Variants in COL7A1 observed in about 807,000 individuals in gnomAD.
COL7A1 encodes collagen alpha-1(VII) chain.
A neutral mutation model predicts 456.2 loss-of-function variants in COL7A1; 296 were observed. The ratio of observed to expected loss-of-function variants is 0.65; its 90% confidence interval spans 0.59 to 0.71. COL7A1 has a LOEUF of 0.71. Among genes scored for constraint, COL7A1 ranks in the 30% least tolerant of loss-of-function variants. COL7A1 has a pLI of 0.00. For synonymous variants in COL7A1, 1,464 were observed against 1,525.9 expected (o/e 0.96, Z 0.95); for missense variants, 3,441 against 4,017.2 (o/e 0.86, Z 3.88).
In COL7A1 at chr3:48,578,958, A is replaced by AG; in HGVS notation, c.5389-5dup. ...CCCCAGCTTTGCCTGCAGCACCCTG[A>AG]GGAGAGACTCAAAGTCAGTTCATCA... On this transcript the variant is annotated splice_polypyrimidine_tract_variant and splice_region_variant and intron_variant, in intron 62 of 118. Coordinates refer to ENST00000681320, the MANE Select transcript of COL7A1 (RefSeq NM_000094.4). This position sits in a 1 kb window ranked among gnomAD's most constrained non-coding sequence, Gnocchi z 4.7. 6.2e-7 allele frequency: 1 copy of AG among 1,614,036 alleles called. No individual in the cohort carries two copies. The highest frequency in any genetic ancestry group is 8.5e-7 in the Non-Finnish European group (1 of 1,179,996).
rs767319580 is a variant in COL7A1, at chr3:48,578,369, TGG to T, written c.5488-6_5488-5del. ...TGCCATCCTCGCCTGGCTTTCCCTG[TGG>T]GAACAGATCACTGGTTGGATGTCGG... On this transcript the variant is annotated splice_polypyrimidine_tract_variant and splice_region_variant and intron_variant, in intron 64 of 118. Coordinates refer to ENST00000681320, the MANE Select transcript of COL7A1 (RefSeq NM_000094.4). The surrounding 1 kb of genome is among the most constrained non-coding windows in gnomAD (Gnocchi z 4.7). The T allele has an allele frequency of 6.2e-7, 1 of 1,613,216 alleles. No individual in the cohort carries two copies. The highest frequency in any genetic ancestry group is 8.5e-7 in the Non-Finnish European group (1 of 1,179,990).
chr3:48,575,457 A>G lies in COL7A1; in HGVS notation c.6062T>C (p.Leu2021Pro). ...PGPQGPPGLA[L>P]GERGPPGPSG... is the part of the protein sequence containing the mutation. ...AGGCCCGGGGGGGCCCCTCTCCCCA[A>G]GGGCCAGACCAGGTGGCCCCTGAGG... Residue 2021 changes from leucine to proline, a missense_variant, in exon 74 of 119, where the codon CTT becomes CCT. By Grantham distance (98) the Leu-to-Pro change is moderately conservative. This residue lies in a region of COL7A1 where 2,084 missense variants were observed against 2,501.3 expected (regional missense o/e 0.83). Coordinates refer to ENST00000681320, the MANE Select transcript of COL7A1 (RefSeq NM_000094.4). The surrounding 1 kb of genome is among the most constrained non-coding windows in gnomAD (Gnocchi z 6.3). 1.9e-6 allele frequency: 3 copies of G among 1,611,386 alleles called. No individual in the cohort carries two copies. The highest frequency in any genetic ancestry group is 1.7e-5 in the Admixed American group (1 of 59,826).
chr3:48,569,452 T>A lies in COL7A1; in HGVS notation c.7615-6A>T, dbSNP rs777157837. 46 of 1,613,832 alleles carry A rather than the reference T, an allele frequency of 2.9e-5. No individual in the cohort carries two copies. The African/African-American group carries it at 5.9e-4, about 21-fold the overall frequency. On this transcript the variant is annotated splice_region_variant and splice_polypyrimidine_tract_variant and intron_variant, in intron 102 of 118. Coordinates refer to ENST00000681320, the MANE Select transcript of COL7A1 (RefSeq NM_000094.4). This position sits in a 1 kb window ranked among gnomAD's most constrained non-coding sequence, Gnocchi z 4.9. ...CCCCGAGGCCCTCGTTCACCCTGGGTTGGTTTGGGTAAGAAGTCACGGTAA... is the reference window on the plus strand; with the variant it reads ...CCCCGAGGCCCTCGTTCACCCTGGGATGGTTTGGGTAAGAAGTCACGGTAA...
chr3:48,592,684 C>T lies in COL7A1; in HGVS notation c.862G>A (p.Gly288Ser), dbSNP rs747720093. ...CCCCGCAGCCGCACACTGGTCTCAC[C>T]AGCTGGGACGTTCACCTGCCCAGGG... ...SERQEVNVPAGETSVRLRGLR... is the reference protein window; with the variant it reads ...SERQEVNVPASETSVRLRGLR... The change falls in exon 8 of 119, where the codon GGT (glycine) becomes AGT (serine). Residue 288 changes from glycine (G) to serine (S), a missense_variant. Physicochemically the swap from Gly to Ser is moderately conservative, Grantham distance 56. Around this residue, in one of 3 missense-constraint regions of COL7A1, gnomAD observed 913 missense variants for 1,088.2 expected, o/e 0.84. Transcript: ENST00000681320. This position sits in a 1 kb window ranked among gnomAD's most constrained non-coding sequence, Gnocchi z 7.6. 1.2e-6 allele frequency: 2 copies of T among 1,613,632 alleles called. No individual in the cohort carries two copies. Among genetic ancestry groups the T allele is most frequent in the Non-Finnish European group, 1.7e-6 (2 of 1,179,962 alleles).
rs774985279 is a variant in COL7A1 at position 48,575,536 on chromosome 3, G to T, written c.5983C>A (p.Pro1995Thr). The T allele has an allele frequency of 6.2e-7, 1 of 1,612,714 alleles. No homozygotes were observed. The highest frequency in any genetic ancestry group is 8.5e-7 in the Non-Finnish European group (1 of 1,179,948). Residue 1995 changes from proline to threonine, a missense_variant, in exon 74 of 119, where the codon CCC becomes ACC. By Grantham distance (38) the Pro-to-Thr change is conservative. Coordinates refer to ENST00000681320, the MANE Select transcript of COL7A1 (RefSeq NM_000094.4). The surrounding 1 kb of genome is among the most constrained non-coding windows in gnomAD (Gnocchi z 6.3). ...CCGCGTTCTCCAGGAAAGCCGATGG[G>T]GCCCTGCAGGAGTGGAAGAGAGAAT... ...GEQGPPGKEG[P>T]IGFPGERGLK... is the part of the protein sequence containing the mutation.
rs1369564770 is a variant in COL7A1, at chr3:48,564,722, C to T, written c.8818+61G>A. 14 of 1,561,014 alleles carry T rather than the reference C, an allele frequency of 9.0e-6. No individual in the cohort carries two copies. The highest frequency in any genetic ancestry group is 1.8e-5 in the Admixed American group (1 of 55,728). On this transcript the variant is annotated intron_variant, in intron 118 of 118. Transcript: ENST00000681320. This position sits in a 1 kb window ranked among gnomAD's most constrained non-coding sequence, Gnocchi z 6.0. ...GAACCCTGGCCCAAGGACTCCTCCC[C>T]CAGAACCCGATCCAGGCAGGCTCAG... is the stretch of plus-strand genomic sequence containing the variant.
Position 48,566,320 on chromosome 3 carries a change from G to A in COL7A1, c.8359-5C>T, listed in dbSNP as rs776525355. On this transcript the variant is annotated splice_polypyrimidine_tract_variant and splice_region_variant and intron_variant, in intron 113 of 118. Coordinates refer to ENST00000681320, the MANE Select transcript of COL7A1 (RefSeq NM_000094.4). This position sits in a 1 kb window ranked among gnomAD's most constrained non-coding sequence, Gnocchi z 5.9. Reference sequence around the variant, plus strand: ...AAAGCCCCGGATGTCATCCTCCTGGGAGCAGAAGACCACAGGGACCATAAA... The same window carrying A: ...AAAGCCCCGGATGTCATCCTCCTGGAAGCAGAAGACCACAGGGACCATAAA... 4.4e-6 allele frequency: 7 copies of A among 1,605,130 alleles called. No homozygotes were observed. The highest frequency in any genetic ancestry group is 6.0e-6 in the Non-Finnish European group (7 of 1,176,280).
Position 48,592,159 on chromosome 3 carries a change from C to A in COL7A1, c.1183G>T (p.Val395Leu). 1 of 1,614,112 alleles carries A rather than the reference C, an allele frequency of 6.2e-7. No homozygotes were observed. Among genetic ancestry groups the A allele is most frequent in the East Asian group, 2.2e-5 (1 of 44,878 alleles). Residue 395 changes from valine to leucine, a missense_variant, in exon 10 of 119, where the codon GTG becomes TTG. Around this residue, in one of 3 missense-constraint regions of COL7A1, gnomAD observed 913 missense variants for 1,088.2 expected, o/e 0.84. Coordinates refer to ENST00000681320, the MANE Select transcript of COL7A1 (RefSeq NM_000094.4). The surrounding 1 kb of genome is among the most constrained non-coding windows in gnomAD (Gnocchi z 7.6). Reference protein sequence around the residue: ...LEPGTDYEVTVSTLFGRSVGP... With the variant: ...LEPGTDYEVTLSTLFGRSVGP... ...ACACTGCGGCCAAATAGGGTGCTCACGGTCACCTCATAGTCCGTGCCAGGC... is the reference window on the plus strand; with the variant it reads ...ACACTGCGGCCAAATAGGGTGCTCAAGGTCACCTCATAGTCCGTGCCAGGC...
At position 48,591,656 on chromosome 3, in the gene COL7A1, G is replaced by C. The variant is rs1253144963; in HGVS notation, c.1507+17C>G. The C allele has an allele frequency of 1.2e-6, 2 of 1,613,818 alleles. No individual in the cohort carries two copies. The highest frequency in any genetic ancestry group is 3.3e-5 in the Admixed American group (2 of 60,024). On this transcript the variant is annotated intron_variant, in intron 12 of 118. Coordinates refer to ENST00000681320, the MANE Select transcript of COL7A1 (RefSeq NM_000094.4). The surrounding 1 kb of genome is among the most constrained non-coding windows in gnomAD (Gnocchi z 7.0). ...GACACCTCCCCCACTCACTGGCCCA[G>C]CCCACAGAGCCCTCACCAGTGGGAA...
chr3:48,565,214 C>T lies in COL7A1; in HGVS notation c.8528-13G>A. On this transcript the variant is annotated splice_polypyrimidine_tract_variant and intron_variant, in intron 116 of 118. Transcript: ENST00000681320. The surrounding 1 kb of genome is among the most constrained non-coding windows in gnomAD (Gnocchi z 4.5). ...GGGGGTACCCGCTCTGCAGGTAGGG[C>T]AGGGTGTGCTGGGAGCAGTGGCTGC... is the stretch of plus-strand genomic sequence containing the variant. 6.2e-7 allele frequency: 1 copy of T among 1,611,376 alleles called. No individual in the cohort carries two copies. Among genetic ancestry groups the T allele is most frequent in the Non-Finnish European group, 8.5e-7 (1 of 1,178,398 alleles).
In COL7A1 at chr3:48,579,225, G is replaced by A. The variant is rs746208076; in HGVS notation, c.5360C>T (p.Pro1787Leu). ...LDGRSGLDGK[P>L]GAAGPSGPNG... is the part of the protein sequence containing the mutation. ...CGGCCCAGAGGGCCCAGCGGCTCCT[G>A]GTTTCCCATCCAGTCCGCTCCGGCC... The change falls in exon 62 of 119, where the codon CCA becomes CTA. Residue 1787 changes from proline (P) to leucine (L), a missense_variant. Pro to Leu is a moderately conservative substitution (Grantham distance 98, BLOSUM62 -3). Coordinates refer to ENST00000681320, the MANE Select transcript of COL7A1 (RefSeq NM_000094.4). This position sits in a 1 kb window ranked among gnomAD's most constrained non-coding sequence, Gnocchi z 4.4. The A allele has an allele frequency of 6.2e-7, 1 of 1,613,732 alleles. No homozygotes were observed. The highest frequency in any genetic ancestry group is 8.5e-7 in the Non-Finnish European group (1 of 1,180,014).
Position 48,593,421 on chromosome 3 carries a change from G to A in COL7A1, c.455C>T (p.Ser152Phe). ...GGCAGCTGTGTCCACCAGGTCCTGG[G>A]ACTTCCCGTCTGTGATCAGGATGCA... is the stretch of plus-strand genomic sequence containing the variant. ...KVCILITDGK[S>F]QDLVDTAAQR... is the part of the protein sequence containing the mutation. Residue 152 changes from serine (S) to phenylalanine (F), a missense_variant, in exon 5 of 119, where the codon TCC becomes TTC. Physicochemically the swap from Ser to Phe is radical, Grantham distance 155 (BLOSUM62 -2). Coordinates refer to ENST00000681320, the MANE Select transcript of COL7A1 (RefSeq NM_000094.4). This position sits in a 1 kb window ranked among gnomAD's most constrained non-coding sequence, Gnocchi z 4.4. The A allele has an allele frequency of 6.2e-7, 1 of 1,614,080 alleles. No homozygotes were observed. The highest frequency in any genetic ancestry group is 8.5e-7 in the Non-Finnish European group (1 of 1,180,036).
Position 48,586,492 on chromosome 3 carries a change from C to T in COL7A1, c.3404-14G>A. 1.9e-6 allele frequency: 3 copies of T among 1,613,786 alleles called. No homozygotes were observed. The highest frequency in any genetic ancestry group is 2.2e-5 in the South Asian group (2 of 91,086). On this transcript the variant is annotated splice_polypyrimidine_tract_variant and intron_variant, in intron 26 of 118. Transcript: ENST00000681320. The surrounding 1 kb of genome is among the most constrained non-coding windows in gnomAD (Gnocchi z 5.1). The stretch of plus-strand genomic sequence containing the variant: ...CCACGGCTGTGCCTGGAAGGAAGGA[C>T]ATGTCAGAACCCTGGGGCACCAAGC...
In COL7A1 at chr3:48,593,053, T is replaced by C. The variant is rs1204845224; in HGVS notation, c.682+49A>G. 1.9e-6 allele frequency: 3 copies of C among 1,613,738 alleles called. No individual in the cohort carries two copies. The highest frequency in any genetic ancestry group is 2.2e-5 in the South Asian group (2 of 91,068). Reference sequence around the variant, plus strand: ...TGGAATCAGCACTGCCAAGTGGGGATTGGGGTCCGGGGTCTAGGTCAGGGT... The same window carrying C: ...TGGAATCAGCACTGCCAAGTGGGGACTGGGGTCCGGGGTCTAGGTCAGGGT... On this transcript the variant is annotated intron_variant, in intron 6 of 118. Transcript: ENST00000681320. This position sits in a 1 kb window ranked among gnomAD's most constrained non-coding sequence, Gnocchi z 4.4.
rs749871331 is a variant in COL7A1 at position 48,576,892 on chromosome 3, C to G, written c.5596G>C (p.Gly1866Arg). 2 of 1,614,044 alleles carry G rather than the reference C, an allele frequency of 1.2e-6. No homozygotes were observed. The highest frequency in any genetic ancestry group is 4.5e-5 in the East Asian group (2 of 44,866). Residue 1866 changes from glycine (G) to arginine (R), a missense_variant, in exon 67 of 119, where the codon GGG (glycine) becomes CGG (arginine). Physicochemically the swap from Gly to Arg is moderately radical, Grantham distance 125. Coordinates refer to ENST00000681320, the MANE Select transcript of COL7A1 (RefSeq NM_000094.4). ...KGEKGDSGAS[G>R]REGRDGPKGE... Reference sequence around the variant, plus strand: ...AAAACTCCAATACTCACTTCTCTCCCAGAGGCGCCTGAATCTCCTTTCTCT... The same window carrying G: ...AAAACTCCAATACTCACTTCTCTCCGAGAGGCGCCTGAATCTCCTTTCTCT...
Position 48,586,291 on chromosome 3 carries a change from C to A in COL7A1, c.3550+41G>T, listed in dbSNP as rs199807238. ...CTGCATGATAGCCTTTTCAGGGCCA[C>A]CCCTATTCCCAGACCCCTTCCCCAT... On this transcript the variant is annotated intron_variant, in intron 27 of 118. Transcript: ENST00000681320. This position sits in a 1 kb window ranked among gnomAD's most constrained non-coding sequence, Gnocchi z 5.1. 1.4e-5 allele frequency: 23 copies of A among 1,613,620 alleles called. No homozygotes were observed. The highest frequency in any genetic ancestry group is 2.7e-5 in the African/African-American group (2 of 74,928).
At chr3:48,576,152 G>A in intron 71 of COL7A1, 97 bp downstream of exon 71, 1 of 1,570,714 alleles carries the variant, frequency 6.4e-7, no homozygotes, top group South Asian at 1.1e-5. Context: ...ACACAGCACA[G>A]AACCTATGGA....
Position 48,573,432 on chromosome 3 carries a change from C to T in COL7A1, c.6618+81G>A. On this transcript the variant is annotated intron_variant, in intron 83 of 118. Transcript: ENST00000681320. This position sits in a 1 kb window ranked among gnomAD's most constrained non-coding sequence, Gnocchi z 5.5. ...CATCCTCATTGCAGGAGATGACAGCCCAGGAGGTTGGCGCACACTACCCCA... is the reference window on the plus strand; with the variant it reads ...CATCCTCATTGCAGGAGATGACAGCTCAGGAGGTTGGCGCACACTACCCCA... 1 of 1,613,704 alleles carries T rather than the reference C, an allele frequency of 6.2e-7. No homozygotes were observed. The highest frequency in any genetic ancestry group is 1.7e-4 in the Middle Eastern group (1 of 6,052).
Position 48,564,460 on chromosome 3 carries a change from GA to G in COL7A1, c.8819-39del, listed in dbSNP as rs1333262782. 7 of 1,613,118 alleles carry G rather than the reference GA, an allele frequency of 4.3e-6. No homozygotes were observed. Among genetic ancestry groups the G allele is most frequent in the Middle Eastern group, 3.3e-4 (2 of 6,032 alleles). ...GGTTGGAAACGGTCGTCAGCCATCTGACCTTCCCCGGAGACGCTCAGGCAGA... is the reference window on the plus strand; with the variant it reads ...GGTTGGAAACGGTCGTCAGCCATCTGCCTTCCCCGGAGACGCTCAGGCAGA... On this transcript the variant is annotated intron_variant, in intron 118 of 118. Coordinates refer to ENST00000681320, the MANE Select transcript of COL7A1 (RefSeq NM_000094.4). This position sits in a 1 kb window ranked among gnomAD's most constrained non-coding sequence, Gnocchi z 6.0.
Sources: gnomAD v4.1 joint callset for allele counts on GRCh38, gnomAD v4.1.1 for gene constraint, gnomAD v4.1.1 regional missense constraint, Gnocchi (gnomAD v3.1) non-coding constraint, MANE v1.5 for transcripts, NCBI Gene and HGNC (gene_info 2026-07-23, HGNC 2026-07-21) for gene names.